Variants in RPSA2 observed in about 807,000 individuals in gnomAD.
RPSA2 encodes ribosomal protein SA 2.
the RPSA2 span, among the ~76,000 whole-genome samples, chr19:23,835,299 C>G: frequency 6.6e-6 from 1 of 152,160 alleles, no homozygotes; most frequent in Admixed American, 6.5e-5. Context: ...ATATTCACAT[C>G]TATTAGTCTA....
the RPSA2 span, among the ~76,000 whole-genome samples, chr19:23,795,322 C>T: frequency 6.6e-6 from 1 of 151,190 alleles, no homozygotes; most frequent in Non-Finnish European, 1.5e-5. Context: ...AGTTGTTTTC[C>T]ATTTGTTTGT....
At chr19:23,797,409 TG>T in the RPSA2 span, among the ~76,000 whole-genome samples, 1 of 152,218 alleles carries the variant, frequency 6.6e-6, no homozygotes, top group African/African-American at 2.4e-5. Flanking sequence ...TGCCCAGCCC[TG>T]GCCTGTTTTT....
chr19:23,791,520 T>C, the RPSA2 span, among the ~76,000 whole-genome samples: 1 of 152,298 alleles, frequency 6.6e-6, no homozygotes, highest in Non-Finnish European at 1.5e-5. Context: ...CACACTCCAA[T>C]GGTGACGGAT....
the RPSA2 span, chr19:23,828,174 T>A: frequency 1.6e-6 from 1 of 622,974 alleles, no homozygotes; most frequent in East Asian, 2.7e-5. Context: ...ACTACTTATA[T>A]GACCATATAT....
chr19:23,859,857 C>A, the RPSA2 span, among the ~76,000 whole-genome samples: 1 of 152,074 alleles, frequency 6.6e-6, no homozygotes, highest in African/African-American at 2.4e-5. Context: ...AGTTTAAATA[C>A]TAATTAGTAA....
chr19:23,846,174 T>A, the RPSA2 span, among the ~76,000 whole-genome samples: 1 of 152,336 alleles, frequency 6.6e-6, no homozygotes, highest in Non-Finnish European at 1.5e-5. Flanking sequence ...TGTGTTAATA[T>A]CTACCCCCTT....
the RPSA2 span, among the ~76,000 whole-genome samples, chr19:23,835,542 A>G: frequency 2.0e-5 from 3 of 152,264 alleles, no homozygotes; most frequent in African/African-American, 7.2e-5. Flanking sequence ...GAATCTCCCC[A>G]TGCAAATTCT....
the RPSA2 span, among the ~76,000 whole-genome samples, chr19:23,848,781 A>G: frequency 1.3e-4 from 20 of 152,318 alleles, no homozygotes; most frequent in East Asian, 3.7e-3. Flanking sequence ...CTAATTTTTG[A>G]TTGATGCCTT....
chr19:23,856,078 G>T, the RPSA2 span, among the ~76,000 whole-genome samples: 1 of 152,102 alleles, frequency 6.6e-6, no homozygotes. Flanking sequence ...GGGAGGAGTA[G>T]GTGAAGGGAG....
the RPSA2 span, among the ~76,000 whole-genome samples, chr19:23,865,919 G>A: frequency 3.3e-5 from 5 of 152,218 alleles, no homozygotes; most frequent in Admixed American, 3.3e-4. Flanking sequence ...TCAGAGCCAT[G>A]TGCCTTCCAC....
At chr19:23,842,565 A>T in the RPSA2 span, 1 of 153,176 alleles carries the variant, frequency 6.5e-6, no homozygotes, top group South Asian at 2.1e-4. Flanking sequence ...TTAACTTTCA[A>T]GGCTGTGGCC....
At chr19:23,795,687 C>G in the RPSA2 span, among the ~76,000 whole-genome samples, 2 of 152,032 alleles carry the variant, frequency 1.3e-5, no homozygotes, top group African/African-American at 2.4e-5. Context: ...TTGCTCTGAC[C>G]AGGACTTCCT....
chr19:23,839,382 G>A, the RPSA2 span, among the ~76,000 whole-genome samples: 10,571 of 152,096 alleles, frequency 0.07, 405 homozygotes, highest in African/African-American at 0.095. Flanking sequence ...TGTCAGGGAC[G>A]TGGGGGAAAG....
chr19:23,787,180 C>T, the RPSA2 span, among the ~76,000 whole-genome samples: 1 of 152,056 alleles, frequency 6.6e-6, no homozygotes, highest in African/African-American at 2.4e-5. Context: ...CATCGCTGGG[C>T]CCTGCATTGA....
At chr19:23,829,346 G>A in the RPSA2 span, among the ~76,000 whole-genome samples, 52 of 152,242 alleles carry the variant, frequency 3.4e-4, no homozygotes, top group Admixed American at 8.5e-4. Context: ...TGTTGTCCAT[G>A]CTGGAGTGCA....
At chr19:23,851,474 G>C in the RPSA2 span, among the ~76,000 whole-genome samples, 1 of 152,126 alleles carries the variant, frequency 6.6e-6, no homozygotes, top group Non-Finnish European at 1.5e-5. Context: ...AATATAGAAA[G>C]GGTGTCTACA....
At chr19:23,833,235 A>C in the RPSA2 span, 1 of 1,041,618 alleles carries the variant, frequency 9.6e-7, no homozygotes, top group Non-Finnish European at 1.1e-6. Flanking sequence ...AATGGGAAAA[A>C]TTTGGCAAAC....
chr19:23,832,131 A>T, the RPSA2 span: 1 of 425,886 alleles, frequency 2.3e-6, no homozygotes, highest in Non-Finnish European at 4.7e-6. Context: ...CTGAAGAAAA[A>T]CTTTACAGAT....
the RPSA2 span, among the ~76,000 whole-genome samples, chr19:23,791,119 G>T: frequency 1.3e-5 from 2 of 152,116 alleles, no homozygotes; most frequent in African/African-American, 4.8e-5. Context: ...AAATGTATGG[G>T]TGTCACAATG....
Sources: allele counts gnomAD v4.1 joint callset (sites outside exome capture counted in the v4.1 genomes callset), GRCh38; gene constraint gnomAD v4.1.1; transcripts MANE v1.5; gene names NCBI Gene and HGNC (gene_info 2026-07-23, HGNC 2026-07-21).